ZNF749: variants seen among roughly 807,000 people sequenced by gnomAD.
ZNF749 encodes the protein zinc finger protein 749.
A neutral mutation model predicts 7.3 loss-of-function variants in ZNF749; 8 were observed. The ratio of observed to expected loss-of-function variants is 1.10; its 90% CI spans 0.64 to 1.98. The LOEUF (loss-of-function observed/expected upper bound fraction) is 1.98. Ranked by LOEUF, ZNF749 falls within the 30% of genes most tolerant of loss-of-function variation. The pLI is 0.00. For synonymous variants in ZNF749, 310 were observed against 322.4 expected (o/e 0.96, Z 0.41); for missense variants, 898 against 932.4 (o/e 0.96, Z 0.48).
upstream of ZNF749, among the ~76,000 whole-genome samples, chr19:57,430,460 G>T (rs2088894107): frequency 6.6e-6 from 1 of 152,170 alleles, no homozygotes; most frequent in African/African-American, 2.4e-5. Flanking sequence ...AGAAGACAAA[G>T]GTTTAAACCA....
chr19:57,429,615 C>T, the ZNF749 span, among the ~76,000 whole-genome samples: 1 of 152,212 alleles, frequency 6.6e-6, no homozygotes, highest in South Asian at 2.1e-4. The surrounding 1 kb of genome is among the most constrained non-coding windows in gnomAD (Gnocchi z 4.2). Flanking sequence ...GTAGCTAGGA[C>T]TAAAAGTGTG....
At position 57,443,472 on chromosome 19, in the gene ZNF749, G is replaced by A; in HGVS notation, c.324G>A (p.Glu108=). The A allele has an allele frequency of 6.2e-7, 1 of 1,614,240 alleles. No homozygotes were observed. The highest frequency in any genetic ancestry group is 2.2e-5 in the East Asian group (1 of 44,888). ...HLAEHDGTHP[E]QGLYTCAAEH... ...CTGAGCACGATGGAACACACCCTGA[G>A]CAAGGGCTGTACACATGTGCAGCAG... The change falls in exon 3 of 3, where the codon GAG becomes GAA. Residue 108 remains glutamate (E), a synonymous_variant. Transcript: ENST00000334181.
rs1192954626 is a variant in ZNF749, at chr19:57,441,937, G to A, written c.68G>A (p.Gly23Glu). 2 of 1,613,980 alleles carry A rather than the reference G, an allele frequency of 1.2e-6. No individual in the cohort carries two copies. The highest frequency in any genetic ancestry group is 1.7e-5 in the Admixed American group (1 of 59,988). Residue 23 changes from glycine (G) to glutamate (E), a missense_variant, in exon 2 of 3, where the codon GGG (glycine) becomes GAG (glutamate). Physicochemically the swap from Gly to Glu is moderately conservative, Grantham distance 98 (BLOSUM62 -2). Transcript: ENST00000334181. ...ATATATTTCTCCCAAGAGGAATGGGGGATCCTTAATGATGCTCAGAGACAC... is the reference window on the plus strand; with the variant it reads ...ATATATTTCTCCCAAGAGGAATGGGAGATCCTTAATGATGCTCAGAGACAC... ...VAIYFSQEEW[G>E]ILNDAQRHLH...
chr19:57,443,900 C>CT lies in ZNF749; in HGVS notation c.754dup (p.Tyr252LeufsTer2). The CT allele has an allele frequency of 1.9e-6, 3 of 1,613,906 alleles. No individual in the cohort carries two copies. Among genetic ancestry groups the CT allele is most frequent in the Non-Finnish European group, 2.5e-6 (3 of 1,179,892 alleles). On this transcript the variant is annotated frameshift_variant, in exon 3 of 3. Transcript: ENST00000334181. LOFTEE classifies it low-confidence loss of function (END_TRUNC). ...CAGCAAAATCATGCTGGAGAAAGGCCTTATGAGGGCACTGAATATGGAAAG... is the reference window on the plus strand; with the variant it reads ...CAGCAAAATCATGCTGGAGAAAGGCCTTTATGAGGGCACTGAATATGGAAAG...
intron 1 of ZNF749, 89 bp from the exon 2 acceptor site, chr19:57,441,796 A>G: frequency 6.5e-7 from 1 of 1,541,252 alleles, no homozygotes; most frequent in Non-Finnish European, 8.9e-7. Flanking sequence ...TTGGCCCTCC[A>G]ATTCTTAGAT....
In ZNF749 at chr19:57,443,670, C is replaced by T; in HGVS notation, c.522C>T (p.Asn174=). 1.9e-6 allele frequency: 3 copies of T among 1,614,126 alleles called. No homozygotes were observed. In the South Asian group the frequency reaches 3.3e-5, roughly 18 times the overall value. The stretch of plus-strand genomic sequence containing the variant: ...ACCTTCTCCAGCAACAGGTCTTAAA[C>T]AGTGGGTGGAAGCTGTACAGGGATA... ...SSDLLQQQVL[N]SGWKLYRDTQ... is the part of the protein sequence containing the mutation. Residue 174 remains asparagine, a synonymous_variant, in exon 3 of 3, where the codon AAC becomes AAT. Transcript: ENST00000334181.
upstream of ZNF749, among the ~76,000 whole-genome samples, chr19:57,430,768 A>G (rs112264954): frequency 0.059 from 9,003 of 152,182 alleles, 842 homozygotes; most frequent in African/African-American, 0.2. Context: ...TAGGCAGGGT[A>G]CGGTGGCTCA....
rs752509148 is a variant in ZNF749 at position 57,444,217 on chromosome 19, A to C, written c.1069A>C (p.Ser357Arg). 5.0e-6 allele frequency: 8 copies of C among 1,614,210 alleles called. No individual in the cohort carries two copies. Among genetic ancestry groups the C allele is most frequent in the South Asian group, 4.4e-5 (4 of 91,082 alleles). ...VHTGERRYEC[S>R]ECGKLFMDSF... is the part of the protein sequence containing the mutation. ...CACTGGGGAGAGGCGTTACGAGTGCAGTGAATGTGGGAAATTGTTTATGGA... is the reference window on the plus strand; with the variant it reads ...CACTGGGGAGAGGCGTTACGAGTGCCGTGAATGTGGGAAATTGTTTATGGA... The change falls in exon 3 of 3, where the codon AGT (serine) becomes CGT (arginine). Residue 357 changes from serine to arginine, a missense_variant. Ser to Arg is a moderately radical substitution (Grantham distance 110). Transcript: ENST00000334181.
the ZNF749 span, among the ~76,000 whole-genome samples, chr19:57,429,354 C>T: frequency 6.6e-5 from 10 of 152,232 alleles, no homozygotes; most frequent in Non-Finnish European, 8.8e-5. The surrounding 1 kb of genome is among the most constrained non-coding windows in gnomAD (Gnocchi z 4.2). Flanking sequence ...ATTGTCTCCA[C>T]ATTCTGGCTA....
intron 1 of ZNF749, among the ~76,000 whole-genome samples, chr19:57,437,581 G>A (rs994353179): frequency 1.3e-5 from 2 of 151,890 alleles, no homozygotes. Flanking sequence ...AAAATTACCT[G>A]GGCGTGGTGG....
chr19:57,444,494 GA>G lies in ZNF749; in HGVS notation c.1349del (p.Lys450SerfsTer4). ...ECTECEKAFV[R>X]KSHLVQHQKI... is the part of the protein sequence containing the mutation. ...ACTGAATGTGAGAAGGCCTTTGTTA[GA>G]AAGTCCCACCTAGTTCAGCACCAGA... On this transcript the variant is annotated frameshift_variant, in exon 3 of 3. Transcript: ENST00000334181. LOFTEE classifies it low-confidence loss of function (END_TRUNC). The G allele has an allele frequency of 6.2e-7, 1 of 1,614,000 alleles. No individual in the cohort carries two copies. Among genetic ancestry groups the G allele is most frequent in the Non-Finnish European group, 8.5e-7 (1 of 1,179,890 alleles).
rs1308768996 is a variant in ZNF749, at chr19:57,444,262, C to T, written c.1114C>T (p.His372Tyr). ...LFMDSFTLGR[H>Y]QRVHTGERPF... ...TATGGACAGCTTCACACTCGGTAGA[C>T]ATCAGAGAGTTCATACTGGAGAAAG... is the stretch of plus-strand genomic sequence containing the variant. Residue 372 changes from histidine to tyrosine, a missense_variant, in exon 3 of 3, where the codon CAT becomes TAT. Coordinates refer to ENST00000334181, the MANE Select transcript of ZNF749 (RefSeq NM_001023561.4). 9.9e-6 allele frequency: 16 copies of T among 1,613,968 alleles called. No individual in the cohort carries two copies. Among genetic ancestry groups the T allele is most frequent in the Non-Finnish European group, 1.4e-5 (16 of 1,180,020 alleles).
chr19:57,437,501 G>A (rs1352435939), intron 1 of ZNF749, among the ~76,000 whole-genome samples: 7 of 152,020 alleles, frequency 4.6e-5, no homozygotes, highest in African/African-American at 7.3e-5. Flanking sequence ...GAAGGTGGGC[G>A]GATCACGAGG....
At position 57,444,455 on chromosome 19, in the gene ZNF749, G is replaced by A. The variant is rs778079013; in HGVS notation, c.1307G>A (p.Arg436Gln). The A allele has an allele frequency of 1.2e-5, 19 of 1,613,890 alleles. No individual in the cohort carries two copies. Among genetic ancestry groups the A allele is most frequent in the African/African-American group, 8.0e-5 (6 of 74,924 alleles). The change falls in exon 3 of 3, where the codon CGG (arginine) becomes CAG (glutamine). Residue 436 changes from arginine to glutamine, a missense_variant. Physicochemically the swap from Arg to Gln is conservative, Grantham distance 43. Transcript: ENST00000334181. The part of the protein sequence containing the change: ...VQHLKIHTGE[R>Q]PYECTECEKA... Reference sequence around the variant, plus strand: ...CATCTGAAAATTCATACTGGAGAACGGCCTTATGAGTGCACTGAATGTGAG... The same window carrying A: ...CATCTGAAAATTCATACTGGAGAACAGCCTTATGAGTGCACTGAATGTGAG...
At position 57,446,057 on chromosome 19, in the gene ZNF749, T is replaced by C. The variant is rs1227654968; in HGVS notation, c.*572T>C. Among the ~76,000 whole-genome samples the C allele has an allele frequency of 6.6e-6, 1 of 152,144 alleles. No individual in the cohort carries two copies. The highest frequency in any genetic ancestry group is 1.5e-5 in the Non-Finnish European group (1 of 68,026). Reference sequence around the variant, plus strand: ...TTGTTGTCAATTAATATCCAGAAGTTTTTTCAACTTAATGAAACTAAAACA... The same window carrying C: ...TTGTTGTCAATTAATATCCAGAAGTCTTTTCAACTTAATGAAACTAAAACA... On this transcript the variant is annotated 3_prime_UTR_variant, in exon 3 of 3. Coordinates refer to ENST00000334181, the MANE Select transcript of ZNF749 (RefSeq NM_001023561.4).
chr19:57,432,583 A>AAAG (rs2088904464), upstream of ZNF749, among the ~76,000 whole-genome samples: 1 of 141,208 alleles, frequency 7.1e-6, no homozygotes, highest in Admixed American at 7.0e-5. Context: ...AAAAAAAAAA[A>AAAG]AGGTGGGGGG....
At position 57,443,850 on chromosome 19, in the gene ZNF749, G is replaced by A. The variant is rs766998031; in HGVS notation, c.702G>A (p.Arg234=). The change falls in exon 3 of 3, where the codon AGG becomes AGA. Residue 234 remains arginine, a synonymous_variant. Coordinates refer to ENST00000334181, the MANE Select transcript of ZNF749 (RefSeq NM_001023561.4). Reference sequence around the variant, plus strand: ...TCAGTGAATGTGGGGAATTGTTTAGGTACAACTCCAACCTTATTAAATATC... The same window carrying A: ...TCAGTGAATGTGGGGAATTGTTTAGATACAACTCCAACCTTATTAAATATC... ...YEFSECGELF[R]YNSNLIKYQQ... 3.7e-6 allele frequency: 6 copies of A among 1,613,788 alleles called. No individual in the cohort carries two copies. Among genetic ancestry groups the A allele is most frequent in the Admixed American group, 1.7e-5 (1 of 60,012 alleles).
At chr19:57,435,688 A>G (rs2088928494) in intron 1 of ZNF749, 95 bp downstream of exon 1, 22 of 1,520,810 alleles carry the variant, frequency 1.4e-5, no homozygotes, top group Admixed American at 4.2e-5. Flanking sequence ...TGTGTCTCTA[A>G]GAGAGGGGCG....
At chr19:57,437,959 G>A in intron 1 of ZNF749, 1 of 396,348 alleles carries the variant, frequency 2.5e-6, no homozygotes, top group Non-Finnish European at 4.4e-6. Context: ...ACACAGAGCT[G>A]CTAAGAGGCA....
Sources: gnomAD v4.1 joint callset for allele counts (sites outside exome capture counted in the v4.1 genomes callset) on GRCh38, gnomAD v4.1.1 for gene constraint, Gnocchi (gnomAD v3.1) non-coding constraint, MANE v1.5 for transcripts, NCBI Gene and HGNC (gene_info 2026-07-23, HGNC 2026-07-21) for gene names.